The following URGCP variants were observed in gnomAD, a reference collection of about 807,000 sequenced individuals.
URGCP encodes the protein upregulator of cell proliferation.
In URGCP, 13 loss-of-function variants were observed where a neutral mutation model predicts 24.6. The observed-to-expected ratio is 0.53, with a 90% CI of 0.34 to 0.84. The LOEUF is 0.84. URGCP is among the 40% of genes least tolerant of loss of function. The probability of loss-of-function intolerance (pLI) is 0.01; values close to 1 mark genes in which losing one functional copy is unlikely to be tolerated. For synonymous variants in URGCP, 444 were observed against 487.2 expected (o/e 0.91, Z 1.17); for missense variants, 899 against 1,194.3 (o/e 0.75, Z 3.64).
At chr7:43,898,819 T>A (rs4341070) in intron 1 of URGCP, among the ~76,000 whole-genome samples, 56,985 of 146,838 alleles carry the variant, frequency 0.39, 11,385 homozygotes, top group South Asian at 0.58. Flanking sequence ...AATCTATTTC[T>A]GGATTTTCAG....
At chr7:43,887,596 T>C (rs1585801116) in intron 2 of URGCP, 111 bp from the exon 3 acceptor site, 1 of 1,502,652 alleles carries the variant, frequency 6.7e-7, no homozygotes, top group Non-Finnish European at 8.9e-7. Context: ...CTATAAACCC[T>C]GGGTCACACC....
intron 1 of URGCP, among the ~76,000 whole-genome samples, chr7:43,915,158 C>T (rs1386053923): frequency 6.6e-6 from 1 of 152,172 alleles, no homozygotes; most frequent in Non-Finnish European, 1.5e-5. Context: ...ATAAATTCTG[C>T]TCTCCTCACC....
intron 1 of URGCP, chr7:43,918,894 C>A: frequency 7.1e-7 from 1 of 1,408,730 alleles, no homozygotes; most frequent in Non-Finnish European, 1.0e-6. Context: ...GGCTGTGCTG[C>A]TGGACCTGGA....
In URGCP at chr7:43,879,147, A is replaced by G; in HGVS notation, c.316T>C (p.Trp106Arg). 3 of 1,614,212 alleles carry G rather than the reference A, an allele frequency of 1.9e-6. No individual in the cohort carries two copies. Among genetic ancestry groups the G allele is most frequent in the South Asian group, 2.2e-5 (2 of 91,088 alleles). ...AAGTCTTTGGGAACCTGAGGGGCCC[A>G]GTTCTTCATACTGTCAAAACTGATC... is the stretch of plus-strand genomic sequence containing the variant. ...LQISFDSMKN[W>R]APQVPKDLPW... Residue 106 changes from tryptophan (W) to arginine (R), a missense_variant, in exon 6 of 6, where the codon TGG becomes CGG. Transcript: ENST00000453200.
chr7:43,882,012 T>A (rs189608478), intron 3 of URGCP, 55 bp from the exon 4 acceptor site: 8 of 1,611,740 alleles, frequency 5.0e-6, no homozygotes, highest in Non-Finnish European at 5.9e-6. Context: ...TTAGAACCTT[T>A]CTGTCAAAAA....
chr7:43,877,375 T>C lies in URGCP; in HGVS notation c.2088A>G (p.Ser696=). The C allele has an allele frequency of 6.2e-7, 1 of 1,612,904 alleles. No individual in the cohort carries two copies. Among genetic ancestry groups the C allele is most frequent in the Non-Finnish European group, 8.5e-7 (1 of 1,179,990 alleles). The change falls in exon 6 of 6, where the codon TCA becomes TCG. Residue 696 remains serine (S), a synonymous_variant. Transcript: ENST00000453200. ...LERRSRLVVL[S]TVGVPGTGKS... ...TGCCCGTGCCTGGCACCCCGACGGT[T>C]GACAGAACCACCAGCCTTGACCGTC...
At chr7:43,902,025 G>A (rs576094628) in intron 1 of URGCP, among the ~76,000 whole-genome samples, 101 of 152,114 alleles carry the variant, frequency 6.6e-4, no homozygotes, top group African/African-American at 2.3e-3. Flanking sequence ...GCTGGGGAAA[G>A]GACCTGAGGA....
rs753698876 is a variant in URGCP, at chr7:43,876,796, G to A, written c.2667C>T (p.Ala889=). The A allele has an allele frequency of 3.3e-5, 53 of 1,614,070 alleles. No homozygotes were observed. The highest frequency in any genetic ancestry group is 4.1e-5 in the Non-Finnish European group (48 of 1,180,040). The change falls in exon 6 of 6, where the codon GCC becomes GCT. Residue 889 remains alanine (A), a synonymous_variant. Transcript: ENST00000453200. ...CTTCACTGTAGGCCAAGCTCACTGC[G>A]GCCATGGGAGGTGCTCCGTGCCACA... is the stretch of plus-strand genomic sequence containing the variant. ...PGLWHGAPPM[A]AVSLAYSEAI...
chr7:43,880,948 A>G (rs2095852858), intron 5 of URGCP, among the ~76,000 whole-genome samples: 1 of 152,252 alleles, frequency 6.6e-6, no homozygotes, highest in African/African-American at 2.4e-5. Flanking sequence ...CAGGACTCAC[A>G]GTGCTGGACA....
intron 1 of URGCP, among the ~76,000 whole-genome samples, chr7:43,896,432 G>C: frequency 6.7e-6 from 1 of 149,518 alleles, no homozygotes; most frequent in African/African-American, 2.5e-5. Context: ...TCCAGCCTGG[G>C]CGACAGAGAG....
At chr7:43,924,160 G>A (rs1167265032) in intron 1 of URGCP, among the ~76,000 whole-genome samples, 2 of 152,140 alleles carry the variant, frequency 1.3e-5, no homozygotes, top group African/African-American at 2.4e-5. Context: ...ATAAGCCACT[G>A]CACCTGACCA....
intron 5 of URGCP, among the ~76,000 whole-genome samples, chr7:43,880,213 G>A (rs895213281): frequency 1.3e-5 from 2 of 152,270 alleles, no homozygotes; most frequent in Non-Finnish European, 2.9e-5. Flanking sequence ...GTGAGCCATG[G>A]TGCCTGGCTT....
At chr7:43,903,971 G>A (rs1348860516) in intron 1 of URGCP, among the ~76,000 whole-genome samples, 1 of 152,134 alleles carries the variant, frequency 6.6e-6, no homozygotes, top group African/African-American at 2.4e-5. Context: ...GCCAAGCAAG[G>A]GGCAAAGACA....
upstream of URGCP, chr7:43,926,495 C>T: frequency 6.7e-7 from 1 of 1,488,126 alleles, no homozygotes; most frequent in Non-Finnish European, 9.0e-7. Flanking sequence ...CTCAGGCAGC[C>T]CCGGCCGGGC....
upstream of URGCP, among the ~76,000 whole-genome samples, chr7:43,910,426 C>T (rs1040280501): frequency 2.5e-4 from 31 of 122,586 alleles, no homozygotes; most frequent in South Asian, 7.1e-3. Context: ...GACAGGATTT[C>T]CCCATGTTGT....
intron 3 of URGCP, among the ~76,000 whole-genome samples, chr7:43,883,276 G>A (rs2095856638): frequency 1.4e-5 from 2 of 143,928 alleles, no homozygotes; most frequent in Admixed American, 7.1e-5. Flanking sequence ...TTTTGACTTT[G>A]ATCCAAGAAA....
chr7:43,916,690 A>G (rs1476917915), intron 1 of URGCP, among the ~76,000 whole-genome samples: 3 of 149,358 alleles, frequency 2.0e-5, no homozygotes, highest in African/African-American at 7.4e-5. Context: ...GGGTAAGAGC[A>G]GATAATCCCA....
chr7:43,877,926 G>T lies in URGCP; in HGVS notation c.1537C>A (p.Gln513Lys). 1 of 1,614,106 alleles carries T rather than the reference G, an allele frequency of 6.2e-7. No homozygotes were observed. Among genetic ancestry groups the T allele is most frequent in the South Asian group, 1.1e-5 (1 of 91,084 alleles). ...GGGGGGTCCACGGCCCACTGGAGCT[G>T]GCAGAACTCCTTCTCCACTTGGGCT... ...KAAQVEKEFC[Q>K]LQWAVDPPEK... The change falls in exon 6 of 6, where the codon CAG becomes AAG. Residue 513 changes from glutamine to lysine, a missense_variant. By Grantham distance (53) the Gln-to-Lys change is moderately conservative. Coordinates refer to ENST00000453200, the MANE Select transcript of URGCP (RefSeq NM_001077663.3).
intron 3 of URGCP, among the ~76,000 whole-genome samples, chr7:43,886,235 G>C (rs1007626778): frequency 1.3e-5 from 2 of 152,178 alleles, no homozygotes; most frequent in Non-Finnish European, 2.9e-5. Context: ...CGAACCTCTT[G>C]CCTTGGCCTC....
Sources: gnomAD v4.1 joint callset for allele counts (sites outside exome capture counted in the v4.1 genomes callset) on GRCh38, gnomAD v4.1.1 for gene constraint, MANE v1.5 for transcripts, NCBI Gene and HGNC (gene_info 2026-07-23, HGNC 2026-07-21) for gene names.